Variants in KIF20B observed in about 807,000 individuals in gnomAD.
The protein encoded by KIF20B is kinesin family member 20B, also known as kinesin-like protein KIF20B.
In KIF20B, 188 loss-of-function variants were observed where a neutral mutation model predicts 232.5. The observed-to-expected ratio is 0.81, with a 90% confidence interval of 0.72 to 0.91. KIF20B has a LOEUF of 0.91. Ranked by LOEUF, KIF20B falls within the 40% of genes least tolerant of loss-of-function variation. The pLI, the probability that KIF20B is intolerant of heterozygous loss-of-function variation, is 0.00. For missense variants in KIF20B, 2,154 were observed against 2,055.9 expected (o/e 1.05, Z -0.92); for synonymous variants, 712 against 683.0 (o/e 1.04, Z -0.66).
At position 89,715,068 on chromosome 10, in the gene KIF20B, T is replaced by G. The variant is rs201019984; in HGVS notation, c.826T>G (p.Phe276Val). Residue 276 changes from phenylalanine (F) to valine (V), a missense_variant, in exon 8 of 33, where the codon TTT becomes GTT. Physicochemically the swap from Phe to Val is conservative, Grantham distance 50. Transcript: ENST00000371728. ...SIKFSVWVSF[F>V]EIYNEYIYDL... ...AAAATTTTCTGTGTGGGTTTCTTTC[T>G]TTGAAATTTACAATGAATATATTTA... is the stretch of plus-strand genomic sequence containing the variant. The G allele has an allele frequency of 8.8e-5, 142 of 1,606,692 alleles. No individual in the cohort carries two copies. The highest frequency in any genetic ancestry group is 1.2e-4 in the Non-Finnish European group (136 of 1,175,774).
chr10:89,752,502 G>A (rs1301600228), intron 24 of KIF20B, 65 bp from the exon 25 acceptor site: 5 of 1,223,926 alleles, frequency 4.1e-6, no homozygotes, highest in Non-Finnish European at 5.5e-6. Flanking sequence ...CCCATGTCAA[G>A]TGTATCTCTA....
intron 2 of KIF20B, 57 bp downstream of exon 2, chr10:89,705,498 G>T: frequency 1.3e-6 from 2 of 1,484,586 alleles, no homozygotes; most frequent in South Asian, 1.3e-5. Flanking sequence ...TGCAAGGGTT[G>T]GCAAACAATG....
Position 89,760,603 on chromosome 10 carries a change from G to A in KIF20B, c.4758G>A (p.Ser1586=), listed in dbSNP as rs770377612. 24 of 1,610,972 alleles carry A rather than the reference G, an allele frequency of 1.5e-5. No homozygotes were observed. The highest frequency in any genetic ancestry group is 1.4e-5 in the Non-Finnish European group (17 of 1,177,640). The change falls in exon 28 of 33, where the codon TCG becomes TCA. Residue 1586 remains serine (S), a synonymous_variant. Coordinates refer to ENST00000371728, the MANE Select transcript of KIF20B (RefSeq NM_001284259.2). ...DPDKLQTEPL[S]TSFEISRNKI... ...ACAAACTTCAAACTGAACCTCTATCGACAAGTTTTGAAATTTCCAGAAATA... is the reference window on the plus strand; with the variant it reads ...ACAAACTTCAAACTGAACCTCTATCAACAAGTTTTGAAATTTCCAGAAATA...
At chr10:89,738,789 G>T (rs552529788) in intron 20 of KIF20B, among the ~76,000 whole-genome samples, 169 bp from the exon 21 acceptor site, 1 of 152,212 alleles carries the variant, frequency 6.6e-6, no homozygotes, top group African/African-American at 2.4e-5. Context: ...TATGTGAAAA[G>T]ATCAGCTTAT....
chr10:89,734,886 C>T (rs1393221241), intron 19 of KIF20B, among the ~76,000 whole-genome samples: 1 of 152,168 alleles, frequency 6.6e-6, no homozygotes, highest in African/African-American at 2.4e-5. Flanking sequence ...AAAGGTATTA[C>T]AGAAGTCACT....
intron 1 of KIF20B, among the ~76,000 whole-genome samples, chr10:89,702,818 C>T (rs1315273091): frequency 2.7e-5 from 4 of 148,154 alleles, no homozygotes. Flanking sequence ...ATTAGGTAGT[C>T]TTTATCCCTG....
chr10:89,715,975 A>G (rs1842926592), intron 8 of KIF20B, among the ~76,000 whole-genome samples: 1 of 143,246 alleles, frequency 7.0e-6, no homozygotes, highest in Non-Finnish European at 1.5e-5. Context: ...TGGGCAACAG[A>G]GTGAAACCTT....
In KIF20B at chr10:89,737,641, C is replaced by T; in HGVS notation, c.2800C>T (p.Gln934Ter). The T allele has an allele frequency of 6.2e-7, 1 of 1,610,342 alleles. No homozygotes were observed. Among genetic ancestry groups the T allele is most frequent in the Non-Finnish European group, 8.5e-7 (1 of 1,177,708 alleles). The change falls in exon 20 of 33, where the codon CAA (glutamine) becomes TAA (stop). Residue 934 changes from glutamine to a stop codon, truncating the protein, a stop_gained. Coordinates refer to ENST00000371728, the MANE Select transcript of KIF20B (RefSeq NM_001284259.2). LOFTEE classifies it high-confidence loss of function. ...GAATTTAACTTTAAGTAAAGAGGTC[C>T]AACAAATTCAGTCAAATTATGATAT... ...KKNLTLSKEV[Q>*]QIQSNYDIAI...
At position 89,737,559 on chromosome 10, in the gene KIF20B, A is replaced by G. The variant is rs548025946; in HGVS notation, c.2718A>G (p.Ala906=). 32 of 1,606,714 alleles carry G rather than the reference A, an allele frequency of 2.0e-5. No individual in the cohort carries two copies. In the South Asian group the frequency reaches 3.1e-4, roughly 16 times the overall value. The change falls in exon 20 of 33, where the codon GCA becomes GCG. Residue 906 remains alanine, a synonymous_variant. Transcript: ENST00000371728. ...NELKNEKEEK[A]ELNKQIVHFQ... is the part of the protein sequence containing the mutation. ...TTAAAAATGAAAAGGAAGAAAAAGC[A>G]GAATTAAATAAACAGATTGTTCATT...
At chr10:89,727,917 T>A in intron 17 of KIF20B, 21 bp downstream of exon 17, 1 of 1,540,158 alleles carries the variant, frequency 6.5e-7, no homozygotes, top group Non-Finnish European at 8.8e-7. Flanking sequence ...AAGTTTTATT[T>A]TGTCTTGATA....
chr10:89,706,961 G>A (rs565414913), intron 2 of KIF20B, among the ~76,000 whole-genome samples: 3 of 151,974 alleles, frequency 2.0e-5, no homozygotes, highest in East Asian at 1.9e-4. Flanking sequence ...ATTTTGACTG[G>A]GATTGCATTA....
chr10:89,726,335 C>A lies in KIF20B; in HGVS notation c.2044C>A (p.Leu682Ile). The A allele has an allele frequency of 6.4e-7, 1 of 1,551,312 alleles. No individual in the cohort carries two copies. Among genetic ancestry groups the A allele is most frequent in the Non-Finnish European group, 8.7e-7 (1 of 1,146,930 alleles). ...AGGATTTGAAGATATTATTGATTCT[C>A]TTCAAGATAATGTTGCTGATATTAA... ...YVGFEDIIDSLQDNVADIKKQ... is the reference protein window; with the variant it reads ...YVGFEDIIDSIQDNVADIKKQ... Residue 682 changes from leucine to isoleucine, a missense_variant, in exon 16 of 33, where the codon CTT becomes ATT. By Grantham distance (5) the Leu-to-Ile change is conservative (BLOSUM62 2). Transcript: ENST00000371728.
intron 16 of KIF20B, 46 bp downstream of exon 16, chr10:89,726,567 A>G: frequency 1.4e-6 from 2 of 1,426,940 alleles, no homozygotes; most frequent in Non-Finnish European, 1.9e-6. Flanking sequence ...TAAACACATA[A>G]AAAGTACTCT....
intron 28 of KIF20B, among the ~76,000 whole-genome samples, chr10:89,761,423 A>G (rs1361195175): frequency 2.6e-5 from 4 of 152,056 alleles, no homozygotes; most frequent in Non-Finnish European, 5.9e-5. Flanking sequence ...AGGTGATACC[A>G]TATTGTATCT....
At chr10:89,707,703 A>G (rs1055253220) in intron 2 of KIF20B, among the ~76,000 whole-genome samples, 49 of 151,018 alleles carry the variant, frequency 3.2e-4, no homozygotes, top group Non-Finnish European at 5.9e-5. Context: ...CAATGTTACT[A>G]GAAGTGGGGA....
At position 89,724,002 on chromosome 10, in the gene KIF20B, G is replaced by A. The variant is rs1843122114; in HGVS notation, c.1761G>A (p.Leu587=). The change falls in exon 14 of 33, where the codon CTG becomes CTA. Residue 587 remains leucine, a synonymous_variant. Coordinates refer to ENST00000371728, the MANE Select transcript of KIF20B (RefSeq NM_001284259.2). ...TAATAGAAGACTTGAAAAAAAAACT[G>A]ATAAATGAAAAAAAGGAAAAATTAA... is the stretch of plus-strand genomic sequence containing the variant. ...LDLIEDLKKK[L]INEKKEKLTL... is the part of the protein sequence containing the mutation. 1.3e-6 allele frequency: 2 copies of A among 1,575,518 alleles called. No homozygotes were observed. Among genetic ancestry groups the A allele is most frequent in the Admixed American group, 1.9e-5 (1 of 52,030 alleles).
In KIF20B at chr10:89,737,494, G is replaced by A. The variant is rs754966153; in HGVS notation, c.2653G>A (p.Glu885Lys). The A allele has an allele frequency of 6.2e-7, 1 of 1,609,860 alleles. No individual in the cohort carries two copies. Among genetic ancestry groups the A allele is most frequent in the Non-Finnish European group, 8.5e-7 (1 of 1,178,456 alleles). The change falls in exon 20 of 33, where the codon GAA (glutamate) becomes AAA (lysine). Residue 885 changes from glutamate (E) to lysine (K), a missense_variant. Physicochemically the swap from Glu to Lys is moderately conservative, Grantham distance 56 (BLOSUM62 1). Coordinates refer to ENST00000371728, the MANE Select transcript of KIF20B (RefSeq NM_001284259.2). Reference protein sequence around the residue: ...EDIRVLQENNEGLRAFLLTIE... With the variant: ...EDIRVLQENNKGLRAFLLTIE... ...CATCAGAGTTTTACAAGAAAATAAT[G>A]AAGGACTGAGAGCATTTTTACTCAC...
rs34999049 is a variant in KIF20B, at chr10:89,737,848, A to G, written c.3007A>G (p.Asn1003Asp). The G allele has an allele frequency of 2.7e-3, 4,299 of 1,613,538 alleles. 6 individuals are homozygous for G. The highest frequency in any genetic ancestry group is 3.1e-3 in the Non-Finnish European group (3,668 of 1,179,584). ...RTLDSVSQISNIDLLNLRDLS... is the reference protein window; with the variant it reads ...RTLDSVSQISDIDLLNLRDLS... The stretch of plus-strand genomic sequence containing the variant: ...TCTTGATTCAGTTTCTCAGATTTCA[A>G]ACATAGATTTGCTCAATCTCAGGGA... The change falls in exon 20 of 33, where the codon AAC (asparagine) becomes GAC (aspartate). Residue 1003 changes from asparagine (N) to aspartate (D), a missense_variant. Physicochemically the swap from Asn to Asp is conservative, Grantham distance 23 (BLOSUM62 1). Coordinates refer to ENST00000371728, the MANE Select transcript of KIF20B (RefSeq NM_001284259.2).
chr10:89,732,723 GTTAC>G (rs1228810289), intron 18 of KIF20B, among the ~76,000 whole-genome samples, 176 bp from the exon 19 acceptor site: 4 of 152,082 alleles, frequency 2.6e-5, no homozygotes, highest in Admixed American at 2.6e-4. Flanking sequence ...ATCCCCAAAT[GTTAC>G]TTATTTGCTA....
Sources: allele counts gnomAD v4.1 joint callset (sites outside exome capture counted in the v4.1 genomes callset), GRCh38; gene constraint gnomAD v4.1.1; transcripts MANE v1.5; gene names NCBI Gene and HGNC (gene_info 2026-07-23, HGNC 2026-07-21).